The following SDK1 variants were observed in gnomAD, a reference collection of about 807,000 sequenced individuals.
The protein encoded by SDK1 is protein sidekick-1.
A neutral mutation model predicts 245.5 loss-of-function variants in SDK1; 157 were observed. The ratio of observed to expected loss-of-function variants is 0.64; its 90% CI spans 0.56 to 0.73. The LOEUF is 0.73. SDK1 is among the 30% of genes least tolerant of loss of function. SDK1 has a pLI of 0.00. For missense variants in SDK1, 3,583 were observed against 3,002.3 expected, an observed-to-expected ratio of 1.19 and a Z score of -4.52; for synonymous variants, 1,647 against 1,278.5, an observed-to-expected ratio of 1.29 and a Z score of -6.15.
chr7:3,549,850 C>G (rs1010183941), intron 1 of SDK1, among the ~76,000 whole-genome samples: 2 of 151,738 alleles, frequency 1.3e-5, no homozygotes, highest in Admixed American at 6.6e-5. Flanking sequence ...CTTTTTTTCC[C>G]ATAGGCATAG....
intron 1 of SDK1, among the ~76,000 whole-genome samples, chr7:3,581,131 AGC>A: frequency 6.6e-6 from 1 of 152,194 alleles, no homozygotes; most frequent in Admixed American, 6.5e-5. Context: ...TAAACTTAAT[AGC>A]TTTTGCAGAG....
chr7:3,926,194 T>C (rs571942181), intron 5 of SDK1, among the ~76,000 whole-genome samples: 10 of 152,294 alleles, frequency 6.6e-5, no homozygotes, highest in South Asian at 4.1e-4. Flanking sequence ...GCTTTGGTGC[T>C]GAGCCTCTAG....
At chr7:3,678,989 G>A (rs939354512) in intron 4 of SDK1, among the ~76,000 whole-genome samples, 1 of 152,080 alleles carries the variant, frequency 6.6e-6, no homozygotes, top group Non-Finnish European at 1.5e-5. Flanking sequence ...AAAATGTAAG[G>A]TTATAAAACT....
At chr7:3,746,139 T>C (rs1779610560) in intron 4 of SDK1, among the ~76,000 whole-genome samples, 1 of 152,216 alleles carries the variant, frequency 6.6e-6, no homozygotes, top group African/African-American at 2.4e-5. Flanking sequence ...TTGCAATAAG[T>C]GAGTCACATG....
At chr7:3,460,845 GCT>G (rs1378207895) in intron 1 of SDK1, among the ~76,000 whole-genome samples, 2 of 152,134 alleles carry the variant, frequency 1.3e-5, no homozygotes, top group Admixed American at 1.3e-4. Context: ...TTTCCTGCTT[GCT>G]CTGTTTCTTG....
chr7:4,079,338 A>G, intron 21 of SDK1, 125 bp from the exon 22 acceptor site: 1 of 1,188,914 alleles, frequency 8.4e-7, no homozygotes. Flanking sequence ...TGGTTTTGAG[A>G]GCAAATCCTT....
intron 1 of SDK1, among the ~76,000 whole-genome samples, chr7:3,401,618 A>C (rs1778889547): frequency 6.6e-6 from 1 of 152,162 alleles, no homozygotes; most frequent in Non-Finnish European, 1.5e-5. Context: ...CTGGATGGGA[A>C]GACCCAAGTT....
chr7:3,365,164 G>A (rs1231592527), intron 1 of SDK1, among the ~76,000 whole-genome samples: 1 of 152,198 alleles, frequency 6.6e-6, no homozygotes, highest in Non-Finnish European at 1.5e-5. Context: ...TGAACATGGA[G>A]AGGGCAAAAC....
At chr7:3,753,575 G>C (rs900960589) in intron 4 of SDK1, among the ~76,000 whole-genome samples, 2 of 152,204 alleles carry the variant, frequency 1.3e-5, no homozygotes, top group African/African-American at 4.8e-5. Flanking sequence ...AGTTGCCTCT[G>C]ATTCCTCCCT....
intron 4 of SDK1, among the ~76,000 whole-genome samples, chr7:3,685,653 T>G (rs1306010233): frequency 6.6e-6 from 1 of 152,098 alleles, no homozygotes; most frequent in African/African-American, 2.4e-5. Context: ...TGTAAAACAA[T>G]TACATTTTAG....
chr7:3,968,083 C>T (rs1372069334), intron 10 of SDK1, among the ~76,000 whole-genome samples: 1 of 152,256 alleles, frequency 6.6e-6, no homozygotes, highest in African/African-American at 2.4e-5. Context: ...GATGTGAAGT[C>T]ACTCTGCTAG....
chr7:3,453,155 C>G (rs918899807), intron 1 of SDK1, among the ~76,000 whole-genome samples: 12 of 152,254 alleles, frequency 7.9e-5, no homozygotes, highest in African/African-American at 2.4e-4. Context: ...CCAACTCTTT[C>G]CCTCACCAAC....
intron 1 of SDK1, among the ~76,000 whole-genome samples, chr7:3,584,937 G>C (rs1237703259): frequency 6.6e-6 from 1 of 152,016 alleles, no homozygotes; most frequent in African/African-American, 2.4e-5. Context: ...TGTTAGCCAG[G>C]ATGGTCCCGA....
At chr7:3,804,712 T>G (rs1238814715) in intron 4 of SDK1, among the ~76,000 whole-genome samples, 2 of 152,238 alleles carry the variant, frequency 1.3e-5, no homozygotes, top group Admixed American at 6.5e-5. Context: ...ACTCTCCATT[T>G]GTGTAGAACT....
intron 1 of SDK1, among the ~76,000 whole-genome samples, chr7:3,404,640 C>T (rs1562466693): frequency 6.6e-6 from 1 of 152,164 alleles, no homozygotes; most frequent in Non-Finnish European, 1.5e-5. Flanking sequence ...GGCTGAAAGC[C>T]AGTTGATTCT....
At chr7:3,480,426 G>T (rs1023064144) in intron 1 of SDK1, among the ~76,000 whole-genome samples, 2 of 151,178 alleles carry the variant, frequency 1.3e-5, no homozygotes, top group Non-Finnish European at 3.0e-5. Flanking sequence ...ATACGCTCAT[G>T]TAGGAACTAC....
chr7:3,549,959 G>T (rs963684666), intron 1 of SDK1, among the ~76,000 whole-genome samples: 6 of 151,938 alleles, frequency 3.9e-5, no homozygotes, highest in African/African-American at 1.2e-4. Context: ...TTTATTTAGG[G>T]TCTCCTTTAA....
At chr7:3,754,282 TACACCCTTCAG>T (rs1779856167) in intron 4 of SDK1, among the ~76,000 whole-genome samples, 1 of 152,244 alleles carries the variant, frequency 6.6e-6, no homozygotes, top group African/African-American at 2.4e-5. Flanking sequence ...CTTAATGTAT[TACACCCTTCAG>T]CAAATTTTGC....
chr7:3,660,028 T>C (rs57444839), intron 4 of SDK1, among the ~76,000 whole-genome samples: 53,535 of 151,930 alleles, frequency 0.35, 10,222 homozygotes, highest in African/African-American at 0.49. Context: ...GTGACAACAA[T>C]TAACCAGATG....
Sources: gnomAD v4.1 joint callset for allele counts (sites outside exome capture counted in the v4.1 genomes callset) on GRCh38, gnomAD v4.1.1 for gene constraint, MANE v1.5 for transcripts, NCBI Gene and HGNC (gene_info 2026-07-23, HGNC 2026-07-21) for gene names.